Variants in MDGA2 observed in about 807,000 individuals in gnomAD.
The protein encoded by MDGA2 is MAM domain containing glycosylphosphatidylinositol anchor 2.
A neutral mutation model predicts 117.8 loss-of-function variants in MDGA2; 40 were observed. The ratio of observed to expected loss-of-function variants is 0.34; its 90% CI spans 0.26 to 0.44. MDGA2 has a LOEUF of 0.44. MDGA2 is among the 20% of genes least tolerant of loss of function. The pLI, the probability that MDGA2 is intolerant of heterozygous loss-of-function variation, is 1.00. For missense variants in MDGA2, 1,123 were observed against 1,250.6 expected (o/e 0.90, Z 1.54); for synonymous variants, 452 against 439.0 (o/e 1.03, Z -0.37).
chr14:47,464,920 C>T (rs928975860), intron 1 of MDGA2, among the ~76,000 whole-genome samples: 1 of 151,974 alleles, frequency 6.6e-6, no homozygotes, highest in Admixed American at 6.6e-5. Context: ...AGCCAGAGAG[C>T]CAGAGTCATC....
intron 10 of MDGA2, among the ~76,000 whole-genome samples, chr14:46,892,990 A>T (rs1882939810): frequency 6.6e-6 from 1 of 151,926 alleles, no homozygotes; most frequent in Admixed American, 6.6e-5. Context: ...ATGACCCAGA[A>T]ATCTCTTTTC....
intron 7 of MDGA2, among the ~76,000 whole-genome samples, chr14:47,040,974 T>C (rs1051823409): frequency 2.6e-5 from 4 of 152,008 alleles, no homozygotes; most frequent in Admixed American, 1.3e-4. Flanking sequence ...GGTAGGAACA[T>C]AGGAAAATAA....
At chr14:47,351,229 C>G (rs1162042318) in intron 1 of MDGA2, among the ~76,000 whole-genome samples, 6 of 151,934 alleles carry the variant, frequency 3.9e-5, no homozygotes, top group Non-Finnish European at 8.8e-5. Context: ...TTACAGGCGC[C>G]TGCCACCATG....
chr14:47,012,292 G>A (rs1048057458), intron 8 of MDGA2, among the ~76,000 whole-genome samples: 6 of 152,042 alleles, frequency 3.9e-5, no homozygotes, highest in Non-Finnish European at 8.8e-5. Context: ...TGATGCAAAT[G>A]GTAAATCAGT....
intron 6 of MDGA2, among the ~76,000 whole-genome samples, chr14:47,094,991 A>G (rs1879880192): frequency 6.6e-6 from 1 of 152,010 alleles, no homozygotes. Flanking sequence ...TTTTCTATAT[A>G]TTTCCATATA....
In MDGA2 at chr14:47,003,467, C is replaced by T. The variant is rs973764864; in HGVS notation, c.1819+31544G>A. Among the ~76,000 whole-genome samples the T allele has an allele frequency of 2.0e-5, 3 of 152,042 alleles. No homozygotes were observed. The East Asian group carries it at 5.8e-4, about 29-fold the overall frequency. On this transcript the variant is annotated intron_variant, in intron 8 of 16. Coordinates refer to ENST00000399232, the MANE Select transcript of MDGA2 (RefSeq NM_001113498.3). ...AGTTCCATCGCCTATTCATACCCTC[C>T]AGGACTTAGTATGGCTAGTCTTTTT...
At chr14:47,454,012 A>G (rs542832254) in intron 1 of MDGA2, among the ~76,000 whole-genome samples, 12 of 152,354 alleles carry the variant, frequency 7.9e-5, no homozygotes, top group Admixed American at 3.9e-4. Flanking sequence ...CAGATGTTAA[A>G]TGTCATGCTA....
chr14:47,508,598 T>C (rs1894570810), intron 1 of MDGA2, among the ~76,000 whole-genome samples: 1 of 152,186 alleles, frequency 6.6e-6, no homozygotes, highest in East Asian at 1.9e-4. Flanking sequence ...TTAGATATCC[T>C]GACTAGAACA....
intron 4 of MDGA2, among the ~76,000 whole-genome samples, chr14:47,139,755 T>C (rs1413673608): frequency 6.7e-6 from 1 of 148,944 alleles, no homozygotes. Context: ...TATGTTTATA[T>C]AAGGTTATAT....
intron 14 of MDGA2, among the ~76,000 whole-genome samples, chr14:46,864,572 T>TTTTTTTTTTTTTTAA (rs1881660333): frequency 2.2e-5 from 2 of 89,434 alleles, no homozygotes; most frequent in Non-Finnish European, 4.6e-5. Flanking sequence ...TTTTTTTTTT[T>TTTTTTTTTTTTTTAA]ACAAATTAAA....
At chr14:47,440,194 C>T (rs1349388598) in intron 1 of MDGA2, among the ~76,000 whole-genome samples, 9 of 152,112 alleles carry the variant, frequency 5.9e-5, no homozygotes. Flanking sequence ...AGGAAAGCAG[C>T]CCTTCAGCTG....
rs1272470846 is a variant in MDGA2 at position 47,301,398 on chromosome 14, G to C, written c.420+13C>G. On this transcript the variant is annotated intron_variant, in intron 2 of 16. Coordinates refer to ENST00000399232, the MANE Select transcript of MDGA2 (RefSeq NM_001113498.3). ...AGAGAATGTTTTCTCCAGTGTCACA[G>C]TTCGGGACTCACCTGTGGACGTGGA... 1.3e-6 allele frequency: 2 copies of C among 1,551,374 alleles called. No homozygotes were observed. The highest frequency in any genetic ancestry group is 2.4e-5 in the East Asian group (1 of 40,908).
chr14:46,882,763 CAAG>C (rs1182054729), intron 10 of MDGA2, among the ~76,000 whole-genome samples: 1 of 151,540 alleles, frequency 6.6e-6, no homozygotes, highest in Non-Finnish European at 1.5e-5. Context: ...TAAAAAATCA[CAAG>C]GAGATTGAAA....
In MDGA2 at chr14:47,028,193, G is replaced by A. The variant is rs777273564; in HGVS notation, c.1819+6818C>T. Among the ~76,000 whole-genome samples the A allele has an allele frequency of 2.0e-4, 31 of 152,040 alleles. 1 individual carries two copies. The highest frequency in any genetic ancestry group is 1.3e-4 in the Admixed American group (2 of 15,244). On this transcript the variant is annotated intron_variant, in intron 8 of 16. Coordinates refer to ENST00000399232, the MANE Select transcript of MDGA2 (RefSeq NM_001113498.3). ...GTGGCAATGGATATATAGTCTTAATGCAGTCATCACCAAAAACATCTGGAA... is the reference window on the plus strand; with the variant it reads ...GTGGCAATGGATATATAGTCTTAATACAGTCATCACCAAAAACATCTGGAA...
At chr14:47,013,636 G>A (rs995825549) in intron 8 of MDGA2, among the ~76,000 whole-genome samples, 2 of 151,342 alleles carry the variant, frequency 1.3e-5, no homozygotes, top group Non-Finnish European at 1.5e-5. Flanking sequence ...TTCATCAGAA[G>A]ATCCACTACC....
intron 9 of MDGA2, among the ~76,000 whole-genome samples, chr14:46,942,517 T>G (rs1885034747): frequency 6.6e-6 from 1 of 152,108 alleles, no homozygotes; most frequent in South Asian, 2.1e-4. Context: ...AAGATATAGA[T>G]TCCCATCTCT....
At chr14:47,206,396 G>A (rs1885684181) in intron 3 of MDGA2, among the ~76,000 whole-genome samples, 1 of 151,664 alleles carries the variant, frequency 6.6e-6, no homozygotes, top group African/African-American at 2.4e-5. Context: ...TTTGAGATTA[G>A]CCTGGTTAAC....
chr14:46,995,365 C>A (rs1465931263), intron 8 of MDGA2, among the ~76,000 whole-genome samples: 1 of 151,954 alleles, frequency 6.6e-6, no homozygotes, highest in East Asian at 1.9e-4. Flanking sequence ...TGTTGCAGAC[C>A]AAAGTTTAAG....
At chr14:47,036,322 A>G (rs1289494386) in intron 7 of MDGA2, among the ~76,000 whole-genome samples, 1 of 151,798 alleles carries the variant, frequency 6.6e-6, no homozygotes, top group African/African-American at 2.4e-5. Context: ...AGTAAAGTTA[A>G]TTTCTGATTT....
Sources: allele counts gnomAD v4.1 joint callset (sites outside exome capture counted in the v4.1 genomes callset), GRCh38; gene constraint gnomAD v4.1.1; transcripts MANE v1.5; gene names NCBI Gene and HGNC (gene_info 2026-07-23, HGNC 2026-07-21).